GPR39: variants seen among roughly 807,000 people sequenced by gnomAD.
GPR39 encodes the protein zinc sensing receptor.
GPR39 carries 23 observed loss-of-function variants against 18.4 expected under a neutral mutation model. The ratio of observed to expected loss-of-function variants is 1.25; its 90% CI spans 0.90 to 1.77. The LOEUF (loss-of-function observed/expected upper bound fraction) is 1.77, where lower values mean the gene tolerates loss of function less well. GPR39 is among the 40% of genes most tolerant of loss of function. GPR39 has a pLI of 0.00. For missense variants in GPR39, 647 were observed against 602.4 expected, an observed-to-expected ratio of 1.07 and a Z score of -0.78; for synonymous variants, 280 against 257.9, an observed-to-expected ratio of 1.09 and a Z score of -0.82.
In GPR39 at chr2:132,458,457, T is replaced by TG. The variant is rs1491388356; in HGVS notation, c.856+40559_856+40560insG. ...CTCTCTCTCTCTCTCTCTCGGTGTG[T>TG]TTGTGTGTGTGTGTGTGTGTGTGTG... On this transcript the variant is annotated intron_variant, in intron 1 of 1. Coordinates refer to ENST00000329321, the MANE Select transcript of GPR39 (RefSeq NM_001508.3). Among the ~76,000 whole-genome samples the TG allele has an allele frequency of 1.3e-3, 142 of 107,044 alleles. 1 individual carries two copies. Among genetic ancestry groups the TG allele is most frequent in the African/African-American group, 4.2e-3 (124 of 29,292 alleles). The allele number at this position is 107,044 out of a possible 152,430, so 70.2% of individuals were successfully genotyped here.
intron 1 of GPR39, among the ~76,000 whole-genome samples, chr2:132,493,490 TATATATATATACACC>T (rs1283354261): frequency 0.032 from 3,587 of 111,436 alleles, 182 homozygotes; most frequent in African/African-American, 0.11. Flanking sequence ...ATATACACCA[TATATATATATACACC>T]ATATATATAT....
intron 1 of GPR39, among the ~76,000 whole-genome samples, chr2:132,420,983 TC>T (rs1679997953): frequency 6.6e-6 from 1 of 152,234 alleles, no homozygotes; most frequent in South Asian, 2.1e-4. Flanking sequence ...CAGTGACAAA[TC>T]AGTACTAGAC....
At chr2:132,473,309 C>T (rs1458524475) in intron 1 of GPR39, among the ~76,000 whole-genome samples, 1 of 152,088 alleles carries the variant, frequency 6.6e-6, no homozygotes, top group African/African-American at 2.4e-5. Context: ...CATTTATCTC[C>T]CACCTTCCAC....
At chr2:132,500,059 T>C (rs1678987786) in intron 1 of GPR39, among the ~76,000 whole-genome samples, 1 of 152,180 alleles carries the variant, frequency 6.6e-6, no homozygotes. Flanking sequence ...CTTTTCTGAT[T>C]TGGATGCCCT....
At chr2:132,557,066 G>T (rs1055770699) in intron 1 of GPR39, among the ~76,000 whole-genome samples, 1 of 124,250 alleles carries the variant, frequency 8.0e-6, no homozygotes, top group African/African-American at 3.3e-5. Context: ...CTGTAATCCT[G>T]GCACTTTGGG....
At chr2:132,541,230 T>C (rs1383571036) in intron 1 of GPR39, among the ~76,000 whole-genome samples, 3 of 152,108 alleles carry the variant, frequency 2.0e-5, no homozygotes, top group Admixed American at 1.3e-4. Context: ...ATTATAGGTA[T>C]GTGTCACCAC....
rs202042449 is a variant in GPR39, at chr2:132,603,604, ATAC to A, written c.857-41496_857-41494del. Among the ~76,000 whole-genome samples the A allele has an allele frequency of 6.6e-3, 1,011 of 152,272 alleles. 18 individuals are homozygous for A. Among genetic ancestry groups the A allele is most frequent in the African/African-American group, 0.023 (959 of 41,526 alleles). On this transcript the variant is annotated intron_variant, in intron 1 of 1. Transcript: ENST00000329321. The stretch of plus-strand genomic sequence containing the variant: ...CCCTGATTTGATCATTACATACTAT[ATAC>A]ATGTACTGAACTATCACTCTGTATC...
At chr2:132,420,088 C>T (rs1370023868) in intron 1 of GPR39, among the ~76,000 whole-genome samples, 3 of 152,216 alleles carry the variant, frequency 2.0e-5, no homozygotes, top group South Asian at 2.1e-4. Flanking sequence ...GTTCTTGCTG[C>T]TGCTCTCGTT....
intron 1 of GPR39, among the ~76,000 whole-genome samples, chr2:132,458,203 T>A (rs1041443527): frequency 6.6e-6 from 1 of 152,188 alleles, no homozygotes; most frequent in African/African-American, 2.4e-5. Context: ...AAATCACCTG[T>A]CTTCTGCATC....
At chr2:132,529,566 C>T (rs975662044) in intron 1 of GPR39, among the ~76,000 whole-genome samples, 36 of 152,220 alleles carry the variant, frequency 2.4e-4, no homozygotes, top group African/African-American at 8.7e-4. Context: ...TCAAGTGGGT[C>T]CCTGACCACT....
At chr2:132,564,697 C>CA (rs1429511219) in intron 1 of GPR39, among the ~76,000 whole-genome samples, 1 of 151,854 alleles carries the variant, frequency 6.6e-6, no homozygotes, top group Non-Finnish European at 1.5e-5. Flanking sequence ...ACAAATCTAA[C>CA]ACTTTGAGGG....
At chr2:132,607,559 G>A (rs1407497672) in intron 1 of GPR39, among the ~76,000 whole-genome samples, 1 of 152,142 alleles carries the variant, frequency 6.6e-6, no homozygotes, top group Non-Finnish European at 1.5e-5. Context: ...GTTCTCTCCT[G>A]CAGCCTAAAG....
rs548982277 is a variant in GPR39 at position 132,490,646 on chromosome 2, G to C, written c.856+72748G>C. ...GTGACCTGGGAATGTGAGGCAGGAGGGGGAGGATGATGGCTATTCTAAGAA... is the reference window on the plus strand; with the variant it reads ...GTGACCTGGGAATGTGAGGCAGGAGCGGGAGGATGATGGCTATTCTAAGAA... On this transcript the variant is annotated intron_variant, in intron 1 of 1. Transcript: ENST00000329321. 3.3e-5 allele frequency among the ~76,000 whole-genome samples: 5 copies of C among 152,030 alleles called. No individual in the cohort carries two copies. In the East Asian group the frequency reaches 7.7e-4, roughly 24 times the overall value.
At chr2:132,448,933 T>C (rs1438963393) in intron 1 of GPR39, among the ~76,000 whole-genome samples, 1 of 152,140 alleles carries the variant, frequency 6.6e-6, no homozygotes, top group Admixed American at 6.5e-5. Context: ...GGGAGGACAA[T>C]GGTGTGATGC....
intron 1 of GPR39, among the ~76,000 whole-genome samples, chr2:132,466,968 A>G (rs1680938088): frequency 6.6e-6 from 1 of 152,160 alleles, no homozygotes; most frequent in African/African-American, 2.4e-5. Context: ...TTCATGTTTT[A>G]TATTTTTTTA....
At chr2:132,485,422 T>C (rs1681313330) in intron 1 of GPR39, among the ~76,000 whole-genome samples, 1 of 152,188 alleles carries the variant, frequency 6.6e-6, no homozygotes, top group Admixed American at 6.5e-5. Context: ...GACTGACTCT[T>C]CTTCAACAAA....
At position 132,418,900 on chromosome 2, in the gene GPR39, G is replaced by A. The variant is rs865921044; in HGVS notation, c.856+1002G>A. 9.9e-5 allele frequency among the ~76,000 whole-genome samples: 15 copies of A among 152,276 alleles called. 1 individual carries two copies. In the South Asian group the frequency reaches 2.1e-3, roughly 21 times the overall value. On this transcript the variant is annotated intron_variant, in intron 1 of 1. Coordinates refer to ENST00000329321, the MANE Select transcript of GPR39 (RefSeq NM_001508.3). ...TTTCCCTTCTTCCCTCTCCCCTGTG[G>A]CATCAGGAAAAGGAATAAATCATGG...
At chr2:132,613,909 C>G (rs1259651679) in intron 1 of GPR39, among the ~76,000 whole-genome samples, 2 of 152,140 alleles carry the variant, frequency 1.3e-5, no homozygotes, top group Admixed American at 1.3e-4. Context: ...AGACAGTTAA[C>G]AAAAGTATGA....
chr2:132,576,834 G>T (rs1047849435), intron 1 of GPR39, among the ~76,000 whole-genome samples: 1 of 152,060 alleles, frequency 6.6e-6, no homozygotes, highest in Non-Finnish European at 1.5e-5. Context: ...TTTGGCCTCC[G>T]ATGTCCAGTT....
Sources: gnomAD v4.1 joint callset for allele counts (sites outside exome capture counted in the v4.1 genomes callset) on GRCh38, gnomAD v4.1.1 for gene constraint, MANE v1.5 for transcripts, NCBI Gene and HGNC (gene_info 2026-07-23, HGNC 2026-07-21) for gene names.